The following PIEZO1 variants were observed in gnomAD, a reference collection of about 807,000 sequenced individuals.
PIEZO1 encodes piezo-type mechanosensitive ion channel component 1.
In PIEZO1, 296 loss-of-function variants were observed where a neutral mutation model predicts 297.2. The ratio of observed to expected loss-of-function variants is 1.00; its 90% CI spans 0.91 to 1.10. The LOEUF (loss-of-function observed/expected upper bound fraction) is 1.10. Ranked by LOEUF, PIEZO1 falls within the 50% of genes least tolerant of loss-of-function variation. The pLI is 0.00. For missense variants in PIEZO1, 5,018 were observed against 3,455.5 expected (o/e 1.45, Z -11.34); for synonymous variants, 2,427 against 1,507.5 (o/e 1.61, Z -14.13).
At chr16:88,773,210 C>A in intron 1 of PIEZO1, among the ~76,000 whole-genome samples, 1 of 152,248 alleles carries the variant, frequency 6.6e-6, no homozygotes, top group East Asian at 1.9e-4. Flanking sequence ...CCCAGTAACT[C>A]CCGGCGTCAC....
chr16:88,764,450 C>A (rs553332788), intron 1 of PIEZO1, among the ~76,000 whole-genome samples: 1 of 152,154 alleles, frequency 6.6e-6, no homozygotes, highest in Admixed American at 6.5e-5. Context: ...GCAGAGATCA[C>A]GCGTCGACAT....
At position 88,722,204 on chromosome 16, in the gene PIEZO1, C is replaced by A; in HGVS notation, c.4955+14G>T. ...GCCATGGTGAGGCTGGTGTTGTGCG[C>A]GTCCCGCCCCCACCTGTCCAGGAGC... On this transcript the variant is annotated intron_variant, in intron 36 of 50. Transcript: ENST00000301015. 6.5e-7 allele frequency: 1 copy of A among 1,542,220 alleles called. No individual in the cohort carries two copies. Among genetic ancestry groups the A allele is most frequent in the Non-Finnish European group, 8.7e-7 (1 of 1,145,466 alleles).
rs1407318012 is a variant in PIEZO1, at chr16:88,727,123, C to T, written c.3371G>A (p.Trp1124Ter). The T allele has an allele frequency of 6.5e-7, 1 of 1,549,886 alleles. No homozygotes were observed. Among genetic ancestry groups the T allele is most frequent in the African/African-American group, 1.4e-5 (1 of 73,044 alleles). ...GGTGTTGACGCCAGCCATGCGCTGCCACTCCTCTGTGCGCTCAGCTGAGAA... is the reference window on the plus strand; with the variant it reads ...GGTGTTGACGCCAGCCATGCGCTGCTACTCCTCTGTGCGCTCAGCTGAGAA... ...QVFSAERTEEWQRMAGVNTDR... is the reference protein window; with the variant it reads ...QVFSAERTEE The change falls in exon 24 of 51, where the codon TGG becomes TAG. Residue 1124 changes from tryptophan to a stop codon, truncating the protein, a stop_gained. Coordinates refer to ENST00000301015, the MANE Select transcript of PIEZO1 (RefSeq NM_001142864.4). LOFTEE classifies it high-confidence loss of function.
chr16:88,757,716 G>T (rs796256703), intron 1 of PIEZO1, among the ~76,000 whole-genome samples: 27 of 152,274 alleles, frequency 1.8e-4, no homozygotes, highest in African/African-American at 6.0e-4. Flanking sequence ...GGCCGGAGCT[G>T]GGCCAGCTGC....
intron 1 of PIEZO1, among the ~76,000 whole-genome samples, chr16:88,755,747 A>G (rs765114398): frequency 8.5e-5 from 13 of 152,216 alleles, no homozygotes; most frequent in Non-Finnish European, 1.3e-4. Context: ...AGAAGGCACC[A>G]TGAGAGGCCG....
At chr16:88,748,381 G>A (rs1409607645) in intron 2 of PIEZO1, among the ~76,000 whole-genome samples, 1 of 10,092 alleles carries the variant, frequency 9.9e-5, no homozygotes, top group Non-Finnish European at 2.1e-4. Flanking sequence ...CACCCAGGCT[G>A]CAGGCTTGGC....
At chr16:88,771,269 G>A (rs376025513) in intron 1 of PIEZO1, among the ~76,000 whole-genome samples, 7 of 152,342 alleles carry the variant, frequency 4.6e-5, no homozygotes, top group East Asian at 3.8e-4. Flanking sequence ...TCTTAAGGAC[G>A]AAGTGCTGGA....
chr16:88,774,443 G>A (rs908410361), intron 1 of PIEZO1, among the ~76,000 whole-genome samples: 1 of 152,216 alleles, frequency 6.6e-6, no homozygotes, highest in African/African-American at 2.4e-5. Context: ...ACACCCGTGG[G>A]TGCTGAAGGG....
chr16:88,715,638 C>G lies in PIEZO1; in HGVS notation c.7533G>C (p.Glu2511Asp), dbSNP rs1459523052. ...AKLIFLYRSP[E>D]TMIKWTREKE Reference sequence around the variant, plus strand: ...TCTCACGAGTCCACTTGATCATGGTCTCCGGTGAGCGGTAGAGGAAGATGA... The same window carrying G: ...TCTCACGAGTCCACTTGATCATGGTGTCCGGTGAGCGGTAGAGGAAGATGA... Residue 2511 changes from glutamate to aspartate, a missense_variant, in exon 51 of 51, where the codon GAG becomes GAC. Physicochemically the swap from Glu to Asp is conservative, Grantham distance 45 (BLOSUM62 2). Coordinates refer to ENST00000301015, the MANE Select transcript of PIEZO1 (RefSeq NM_001142864.4). 1.9e-6 allele frequency: 3 copies of G among 1,550,242 alleles called. No individual in the cohort carries two copies. The highest frequency in any genetic ancestry group is 1.4e-5 in the African/African-American group (1 of 73,182).
At chr16:88,737,849 C>T (rs1387009147) in intron 8 of PIEZO1, 35 bp from the exon 9 acceptor site, 1 of 1,533,954 alleles carries the variant, frequency 6.5e-7, no homozygotes, top group Admixed American at 2.0e-5. Context: ...CAAACCAGCT[C>T]CACACCCCAC....
chr16:88,753,579 G>GCC (rs1906508117), intron 1 of PIEZO1, among the ~76,000 whole-genome samples: 1 of 152,202 alleles, frequency 6.6e-6, no homozygotes, highest in African/African-American at 2.4e-5. Flanking sequence ...ATGCTCCAAT[G>GCC]CCCCCATTTT....
At position 88,716,271 on chromosome 16, in the gene PIEZO1, G is replaced by A. The variant is rs1300437683; in HGVS notation, c.7056C>T (p.Ile2352=). The change falls in exon 49 of 51, where the codon ATC becomes ATT. Residue 2352 remains isoleucine, a synonymous_variant. Transcript: ENST00000301015. The part of the protein sequence containing the change: ...LEGTSDQSVV[I]PNLFPKYIRA... ...GGATGTACTTGGGGAAGAGATTAGG[G>A]ATGACCCTGCAGGGAGGTGCTGGCA... 8 of 1,491,422 alleles carry A rather than the reference G, an allele frequency of 5.4e-6. No homozygotes were observed. Among genetic ancestry groups the A allele is most frequent in the South Asian group, 4.0e-5 (3 of 74,270 alleles). 92.4% of individuals were successfully genotyped at this position (1,491,422 alleles called of 1,614,324 possible).
At position 88,732,593 on chromosome 16, in the gene PIEZO1, G is replaced by A. The variant is rs1038911840; in HGVS notation, c.2790+14C>T. 17 of 1,546,326 alleles carry A rather than the reference G, an allele frequency of 1.1e-5. No homozygotes were observed. The Middle Eastern group carries it at 5.0e-4, about 46-fold the overall frequency. ...TACTCGCCCGCCCAGCCGCCCACCA[G>A]CCCTTCAACTCACCTGGATGTAGCC... On this transcript the variant is annotated intron_variant, in intron 20 of 50. Coordinates refer to ENST00000301015, the MANE Select transcript of PIEZO1 (RefSeq NM_001142864.4).
chr16:88,716,318 C>T (rs928486875), intron 48 of PIEZO1, 41 bp from the exon 49 acceptor site: 3 of 1,498,060 alleles, frequency 2.0e-6, no homozygotes, highest in African/African-American at 1.4e-5. Context: ...GCCCAGCCAA[C>T]CTGGCACAGC....
At position 88,726,695 on chromosome 16, in the gene PIEZO1, C is replaced by CG. The variant is rs753823814; in HGVS notation, c.3699+19dup. The CG allele has an allele frequency of 1.2e-5, 19 of 1,540,882 alleles. No homozygotes were observed. The Admixed American group carries it at 2.0e-4, about 16-fold the overall frequency. ...CAGCGGGGCCCCAGGGCGGTGGGTG[C>CG]GGGGGGGCCGGAGGCTCACCGACAG... On this transcript the variant is annotated intron_variant, in intron 25 of 50. Coordinates refer to ENST00000301015, the MANE Select transcript of PIEZO1 (RefSeq NM_001142864.4).
intron 1 of PIEZO1, among the ~76,000 whole-genome samples, chr16:88,765,011 C>T (rs183192905): frequency 6.6e-6 from 1 of 152,360 alleles, no homozygotes; most frequent in Non-Finnish European, 1.5e-5. Flanking sequence ...CTGGCCCTGG[C>T]AGACCCGGCT....
At chr16:88,723,382 C>T (rs1225669615) in intron 31 of PIEZO1, 54 bp from the exon 32 acceptor site, 12 of 1,529,824 alleles carry the variant, frequency 7.8e-6, no homozygotes, top group South Asian at 2.4e-5. Context: ...CAGACCCAGG[C>T]GGGAAGCTGG....
At position 88,721,198 on chromosome 16, in the gene PIEZO1, T is replaced by C. The variant is rs76472561; in HGVS notation, c.5636A>G (p.Glu1879Gly). Residue 1879 changes from glutamate (E) to glycine (G), a missense_variant, in exon 39 of 51, where the codon GAG becomes GGG. Coordinates refer to ENST00000301015, the MANE Select transcript of PIEZO1 (RefSeq NM_001142864.4). ...ISLRFRRRKKEGPARKGAAAI... is the reference protein window; with the variant it reads ...ISLRFRRRKKGGPARKGAAAI... ...TGCCGCTCCTTTCCGTGCTGGGCCC[T>C]CCTTCTTCCTTCTTCTAAAACGTAG... 332 of 1,486,978 alleles carry C rather than the reference T, an allele frequency of 2.2e-4. 1 individual carries two copies. In the East Asian group the frequency reaches 6.4e-3, roughly 28 times the overall value. 92.1% of individuals were successfully genotyped at this position (1,486,978 alleles called of 1,614,324 possible). A position where few individuals can be genotyped will look rare whatever the true frequency, so the allele number is the denominator to read the frequency against.
At chr16:88,715,887 C>G in intron 50 of PIEZO1, 33 bp from the exon 51 acceptor site, 3 of 1,543,622 alleles carry the variant, frequency 1.9e-6, no homozygotes, top group African/African-American at 2.8e-5. Context: ...CTGGGGCCGC[C>G]CGGAGCCCCC....
Sources: allele counts gnomAD v4.1 joint callset (sites outside exome capture counted in the v4.1 genomes callset), GRCh38; gene constraint gnomAD v4.1.1; transcripts MANE v1.5; gene names NCBI Gene and HGNC (gene_info 2026-07-23, HGNC 2026-07-21).